CD80: variants seen among roughly 807,000 people sequenced by gnomAD.
CD80 encodes T-lymphocyte activation antigen CD80.
A neutral mutation model predicts 27.1 loss-of-function variants in CD80; 13 were observed. The observed-to-expected ratio is 0.48, with a 90% CI of 0.31 to 0.76. CD80 has a LOEUF of 0.76. Among genes scored for constraint, CD80 ranks in the 30% least tolerant of loss-of-function variants. CD80 has a pLI of 0.04. For missense variants in CD80, 277 were observed against 347.9 expected (o/e 0.80, Z 1.62); for synonymous variants, 125 against 125.5 (o/e 1.00, Z 0.03).
chr3:119,529,752 T>C (rs1221544790), intron 5 of CD80, 90 bp downstream of exon 5: 2 of 843,830 alleles, frequency 2.4e-6, no homozygotes, highest in Non-Finnish European at 4.0e-6. Flanking sequence ...GAGAAGCGAA[T>C]AGGCTAAAAC....
intron 2 of CD80, among the ~76,000 whole-genome samples, chr3:119,550,176 T>C (rs754188489): frequency 6.6e-6 from 1 of 152,244 alleles, no homozygotes; most frequent in Non-Finnish European, 1.5e-5. Flanking sequence ...GTCAGATATA[T>C]AGCACTCTGG....
In CD80 at chr3:119,529,863, CA is replaced by C; in HGVS notation, c.774del (p.Phe258LeufsTer2). On this transcript the variant is annotated frameshift_variant, in exon 5 of 7. Transcript: ENST00000264246. LOFTEE classifies it high-confidence loss of function. ...TTACAGTAGGTCAGGCAGCATATCA[CA>C]AAAATTCCATTTACTGAGATTAAGG... ...AITLISVNGI[F>X]VICCLTYCFA... is the part of the protein sequence containing the mutation. 1 of 1,612,696 alleles carries C rather than the reference CA, an allele frequency of 6.2e-7. No individual in the cohort carries two copies. Among genetic ancestry groups the C allele is most frequent in the Non-Finnish European group, 8.5e-7 (1 of 1,178,756 alleles).
intron 4 of CD80, among the ~76,000 whole-genome samples, chr3:119,535,509 T>C (rs2082133314): frequency 6.6e-6 from 1 of 152,166 alleles, no homozygotes; most frequent in African/African-American, 2.4e-5. Flanking sequence ...TTTGAGCATC[T>C]CAGTTCACCT....
chr3:119,553,370 C>A (rs190366952), intron 2 of CD80, among the ~76,000 whole-genome samples: 2 of 152,214 alleles, frequency 1.3e-5, no homozygotes, highest in African/African-American at 4.8e-5. Context: ...AAACTCCTGA[C>A]CTCAGGTGAT....
rs879107445 is a variant in CD80 at position 119,536,988 on chromosome 3, G to A, written c.700+149C>T. The A allele has an allele frequency of 7.6e-5, 59 of 780,858 alleles. No homozygotes were observed. In the South Asian group the frequency reaches 9.8e-4, roughly 13 times the overall value. The allele number at this position is 780,858 out of a possible 1,614,324, so 48.4% of individuals were successfully genotyped here. On this transcript the variant is annotated intron_variant, in intron 4 of 6. Transcript: ENST00000264246. ...GGTGTGCAGTAGGCTGTACCATCTA[G>A]GTTTATGTAAATACACTCTGATGTT...
At chr3:119,544,483 T>A in intron 3 of CD80, 67 bp downstream of exon 3, 1 of 1,381,020 alleles carries the variant, frequency 7.2e-7, no homozygotes, top group Non-Finnish European at 1.0e-6. Flanking sequence ...CCTAAATCAA[T>A]AGCCATGTGT....
In CD80 at chr3:119,537,158, G is replaced by C. The variant is rs1253668039; in HGVS notation, c.679C>G (p.Gln227Glu). 1 of 1,613,466 alleles carries C rather than the reference G, an allele frequency of 6.2e-7. No individual in the cohort carries two copies. Among genetic ancestry groups the C allele is most frequent in the East Asian group, 2.2e-5 (1 of 44,880 alleles). The change falls in exon 4 of 7, where the codon CAG becomes GAG. Residue 227 changes from glutamine to glutamate, a missense_variant. Gln to Glu is a conservative substitution (Grantham distance 29). Transcript: ENST00000264246. ...TTACTTGTATTCCAGTTGAAGGTCT[G>C]ATTCACTCTTAAATGTCCATACTTG... Reference protein sequence around the residue: ...LIKYGHLRVNQTFNWNTTKQE... With the variant: ...LIKYGHLRVNETFNWNTTKQE...
At chr3:119,541,201 G>T (rs1030161238) in intron 3 of CD80, among the ~76,000 whole-genome samples, 2 of 152,108 alleles carry the variant, frequency 1.3e-5, no homozygotes, top group Non-Finnish European at 2.9e-5. Flanking sequence ...TGTAACCTTT[G>T]TATCTCATTT....
At chr3:119,555,690 G>A (rs2082260482) in intron 2 of CD80, among the ~76,000 whole-genome samples, 1 of 152,176 alleles carries the variant, frequency 6.6e-6, no homozygotes, top group South Asian at 2.1e-4. Flanking sequence ...TTGTTTGTTG[G>A]CCACACTTTA....
intron 4 of CD80, among the ~76,000 whole-genome samples, chr3:119,532,532 A>G (rs1049975077): frequency 6.6e-6 from 1 of 152,068 alleles, no homozygotes; most frequent in African/African-American, 2.4e-5. Flanking sequence ...TCTGATTTCT[A>G]AATTTGTATA....
chr3:119,535,324 T>C (rs370028277), intron 4 of CD80, among the ~76,000 whole-genome samples: 2 of 152,310 alleles, frequency 1.3e-5, no homozygotes, highest in East Asian at 3.9e-4. Flanking sequence ...AATTAAGACA[T>C]GCCATATAGT....
At chr3:119,537,004 C>G (rs1023685789) in intron 4 of CD80, 133 bp downstream of exon 4, 20 of 852,616 alleles carry the variant, frequency 2.3e-5, no homozygotes, top group Admixed American at 8.6e-5. Context: ...TGTAAATACA[C>G]TCTGATGTTC....
chr3:119,557,610 G>A lies in CD80; in HGVS notation c.100+19C>T. On this transcript the variant is annotated intron_variant, in intron 2 of 6. Coordinates refer to ENST00000264246, the MANE Select transcript of CD80 (RefSeq NM_005191.4). ...ACCCTGTAGCAGTTGACTCAGTTAA[G>A]TTCCTGAAAGTTGCTTACCTGAACA... 2 of 1,588,754 alleles carry A rather than the reference G, an allele frequency of 1.3e-6. No individual in the cohort carries two copies. Among genetic ancestry groups the A allele is most frequent in the Non-Finnish European group, 1.7e-6 (2 of 1,158,064 alleles).
At chr3:119,533,283 C>CT (rs1197315688) in intron 4 of CD80, among the ~76,000 whole-genome samples, 8 of 152,198 alleles carry the variant, frequency 5.3e-5, no homozygotes, top group African/African-American at 1.9e-4. Context: ...GCACATGTAG[C>CT]TTATTAGATA....
intron 2 of CD80, among the ~76,000 whole-genome samples, chr3:119,550,473 G>A (rs1206815737): frequency 6.6e-6 from 1 of 152,108 alleles, no homozygotes; most frequent in Non-Finnish European, 1.5e-5. Context: ...AAATTCACAC[G>A]GGAACCCAGT....
At chr3:119,553,127 ATTT>A (rs2082243579) in intron 2 of CD80, among the ~76,000 whole-genome samples, 1 of 144,552 alleles carries the variant, frequency 6.9e-6, no homozygotes, top group Non-Finnish European at 1.5e-5. Flanking sequence ...TTATTTATTT[ATTT>A]ATTTATTTAT....
Position 119,545,988 on chromosome 3 carries a change from A to G in CD80, c.101-1121T>C, listed in dbSNP as rs539514849. ...CTTGTTAAAGGTTTTGGAAGTCACTATCTAGAAAAACTAAATGTGATTGCA... is the reference window on the plus strand; with the variant it reads ...CTTGTTAAAGGTTTTGGAAGTCACTGTCTAGAAAAACTAAATGTGATTGCA... On this transcript the variant is annotated intron_variant, in intron 2 of 6. Coordinates refer to ENST00000264246, the MANE Select transcript of CD80 (RefSeq NM_005191.4). 4.4e-4 allele frequency among the ~76,000 whole-genome samples: 67 copies of G among 152,362 alleles called. 1 individual carries two copies. The highest frequency in any genetic ancestry group is 3.4e-3 in the Middle Eastern group (1 of 294).
At chr3:119,525,847 T>G (rs28517640) in intron 6 of CD80, 98 bp from the exon 7 acceptor site, 1 of 147,018 alleles carries the variant, frequency 6.8e-6, no homozygotes, top group Non-Finnish European at 1.5e-5. Context: ...TATATAATTT[T>G]TAAATTATAT....
intron 5 of CD80, among the ~76,000 whole-genome samples, chr3:119,529,184 A>C (rs2107739285): frequency 6.6e-6 from 1 of 152,152 alleles, no homozygotes; most frequent in African/African-American, 2.4e-5. Context: ...TCCTGACCTT[A>C]AGTGATCCAC....
Sources: allele counts gnomAD v4.1 joint callset (sites outside exome capture counted in the v4.1 genomes callset), GRCh38; gene constraint gnomAD v4.1.1; transcripts MANE v1.5; gene names NCBI Gene and HGNC (gene_info 2026-07-23, HGNC 2026-07-21).